TBC1D14: variants seen among roughly 807,000 people sequenced by gnomAD.
TBC1D14 encodes TBC1 domain family, member 14.
Under a neutral mutation model 79.0 loss-of-function variants are expected in TBC1D14, and 26 were observed. The observed-to-expected ratio is 0.33, with a 90% confidence interval of 0.24 to 0.46. TBC1D14 has a LOEUF of 0.46. Among genes scored for constraint, TBC1D14 ranks in the 20% least tolerant of loss-of-function variants. The pLI, the probability that TBC1D14 is intolerant of heterozygous loss-of-function variation, is 1.00. For missense variants in TBC1D14, 769 were observed against 887.6 expected, an observed-to-expected ratio of 0.87 and a Z score of 1.70; for synonymous variants, 394 against 349.9, an observed-to-expected ratio of 1.13 and a Z score of -1.40.
At chr4:7,027,581 A>C (rs1197941147) in intron 13 of TBC1D14, among the ~76,000 whole-genome samples, 1 of 141,826 alleles carries the variant, frequency 7.1e-6, no homozygotes, top group Non-Finnish European at 1.5e-5. Flanking sequence ...CGCACATCAC[A>C]CACCCACCCA....
chr4:6,953,530 C>T (rs1181151588), intron 2 of TBC1D14, among the ~76,000 whole-genome samples: 1 of 139,136 alleles, frequency 7.2e-6, no homozygotes, highest in Non-Finnish European at 1.5e-5. Flanking sequence ...ACTCGGGAGG[C>T]TGAGGCAGGA....
chr4:6,950,834 T>A (rs1324172165), intron 2 of TBC1D14, among the ~76,000 whole-genome samples: 1 of 152,254 alleles, frequency 6.6e-6, no homozygotes, highest in Non-Finnish European at 1.5e-5. Flanking sequence ...GACTTTACTG[T>A]CTATATTTAT....
At chr4:6,992,626 T>C (rs181562967) in intron 3 of TBC1D14, among the ~76,000 whole-genome samples, 23 of 152,378 alleles carry the variant, frequency 1.5e-4, no homozygotes, top group Non-Finnish European at 2.5e-4. Flanking sequence ...TCATGGGGTA[T>C]GTGTTACTAA....
chr4:7,006,589 C>T (rs775989957), intron 8 of TBC1D14, 43 bp from the exon 9 acceptor site: 37 of 1,562,682 alleles, frequency 2.4e-5, no homozygotes, highest in Middle Eastern at 1.7e-4. Context: ...GTCCTACATT[C>T]GTGCCCTTGA....
intron 6 of TBC1D14, among the ~76,000 whole-genome samples, chr4:6,999,627 G>T (rs1225989418): frequency 3.9e-5 from 6 of 152,106 alleles, no homozygotes; most frequent in Admixed American, 3.3e-4. Context: ...CATAGGTGTT[G>T]CTCCTTTTAA....
At chr4:7,006,480 C>G in intron 8 of TBC1D14, 152 bp from the exon 9 acceptor site, 1 of 575,242 alleles carries the variant, frequency 1.7e-6, no homozygotes, top group Non-Finnish European at 3.1e-6. Flanking sequence ...GTTAAATACT[C>G]TGAAGCTGCA....
chr4:6,944,600 C>T (rs900580341), intron 2 of TBC1D14, among the ~76,000 whole-genome samples: 41 of 152,324 alleles, frequency 2.7e-4, no homozygotes, highest in African/African-American at 7.9e-4. Context: ...GTTTTACAAA[C>T]GAGCATGCTC....
chr4:6,998,331 C>T (rs1243061550), intron 5 of TBC1D14, among the ~76,000 whole-genome samples: 1 of 150,804 alleles, frequency 6.6e-6, no homozygotes, highest in African/African-American at 2.4e-5. Flanking sequence ...CTGCACCCCA[C>T]CCTGGGTGAC....
chr4:7,006,586 A>G (rs774884515), intron 8 of TBC1D14, 46 bp from the exon 9 acceptor site: 8 of 1,558,180 alleles, frequency 5.1e-6, no homozygotes, highest in South Asian at 3.4e-5. Context: ...ATTGTCCTAC[A>G]TTCGTGCCCT....
At chr4:7,007,399 C>T in intron 9 of TBC1D14, 1 of 466,524 alleles carries the variant, frequency 2.1e-6, no homozygotes, top group Non-Finnish European at 3.7e-6. Context: ...TTCTTTGAGC[C>T]AGCAGACGTT....
At position 6,993,862 on chromosome 4, in the gene TBC1D14, TAGCC is replaced by T. The variant is rs1428098473; in HGVS notation, c.844-317_844-314del. On this transcript the variant is annotated intron_variant, in intron 3 of 13. Transcript: ENST00000409757. ...CCATCTCTACTAAAAATAAAAAAAT[TAGCC>T]AGCCGTGGTGGTGAGTGCCTCTATT... 3.3e-5 allele frequency among the ~76,000 whole-genome samples: 5 copies of T among 152,170 alleles called. No homozygotes were observed. In the East Asian group the frequency reaches 5.8e-4, roughly 18 times the overall value.
At chr4:6,923,284 T>G in intron 1 of TBC1D14, 89 bp from the exon 2 acceptor site, 223 of 1,385,666 alleles carry the variant, frequency 1.6e-4, no homozygotes, top group Non-Finnish European at 2.0e-4. Flanking sequence ...CTCCCTTAAG[T>G]GAGATCAGAC....
intron 1 of TBC1D14, among the ~76,000 whole-genome samples, chr4:6,912,499 G>C (rs1397212478): frequency 1.3e-5 from 2 of 152,214 alleles, no homozygotes; most frequent in Non-Finnish European, 2.9e-5. Context: ...TGCTTGGCTA[G>C]TCACTTGGTT....
chr4:7,025,584 C>T (rs961127651), intron 13 of TBC1D14, among the ~76,000 whole-genome samples: 2 of 152,228 alleles, frequency 1.3e-5, no homozygotes, highest in African/African-American at 4.8e-5. Flanking sequence ...GCCACGTACC[C>T]CCCTTTTTAA....
intron 2 of TBC1D14, among the ~76,000 whole-genome samples, chr4:6,963,346 TG>T (rs1280335319): frequency 6.6e-6 from 1 of 152,242 alleles, no homozygotes; most frequent in African/African-American, 2.4e-5. Context: ...ACACAGCCCA[TG>T]AAGCAGCAGC....
intron 2 of TBC1D14, among the ~76,000 whole-genome samples, chr4:6,946,750 A>G (rs1235689191): frequency 3.9e-5 from 6 of 152,234 alleles, no homozygotes; most frequent in Non-Finnish European, 8.8e-5. Context: ...AACATCAGGC[A>G]GCTTGTTACG....
chr4:7,032,018 CAT>C lies in TBC1D14; in HGVS notation c.*1627_*1628del, dbSNP rs747644864. On this transcript the variant is annotated 3_prime_UTR_variant, in exon 14 of 14. Transcript: ENST00000409757. ...CCCGTGCCCTCCTTCCCAGCACTATCATGTGTCACGTTTCCCGGACTCTGCCC... is the reference window on the plus strand; with the variant it reads ...CCCGTGCCCTCCTTCCCAGCACTATCGTGTCACGTTTCCCGGACTCTGCCC... 2.0e-5 allele frequency: 3 copies of C among 152,380 alleles called. No homozygotes were observed. Among genetic ancestry groups the C allele is most frequent in the Non-Finnish European group, 4.4e-5 (3 of 68,106 alleles). The allele number at this position is 152,380 out of a possible 1,614,324, so 9.4% of individuals were successfully genotyped here.
intron 3 of TBC1D14, among the ~76,000 whole-genome samples, chr4:6,985,461 T>A (rs1289537314): frequency 2.6e-5 from 4 of 152,232 alleles, no homozygotes; most frequent in Non-Finnish European, 4.4e-5. Context: ...CAGTAAGAGA[T>A]AAAACTTATG....
At chr4:7,016,452 C>T (rs558671530) in intron 12 of TBC1D14, among the ~76,000 whole-genome samples, 24 of 152,276 alleles carry the variant, frequency 1.6e-4, no homozygotes, top group South Asian at 6.2e-4. Flanking sequence ...GGCTGGGGCC[C>T]GCGGTGCTGG....
Sources: gnomAD v4.1 joint callset for allele counts (sites outside exome capture counted in the v4.1 genomes callset) on GRCh38, gnomAD v4.1.1 for gene constraint, MANE v1.5 for transcripts, NCBI Gene and HGNC (gene_info 2026-07-23, HGNC 2026-07-21) for gene names.